Variants in CTDSPL observed in about 807,000 individuals in gnomAD.
The protein encoded by CTDSPL is CTD small phosphatase-like protein.
CTDSPL carries 8 observed loss-of-function variants against 30.5 expected under a neutral mutation model. That is an observed-to-expected ratio of 0.26 (90% CI 0.15 to 0.47). The LOEUF is 0.47. Ranked by LOEUF, CTDSPL falls within the 20% of genes least tolerant of loss-of-function variation. CTDSPL has a pLI of 0.99. For synonymous variants in CTDSPL, 110 were observed against 137.9 expected (o/e 0.80, Z 1.42); for missense variants, 248 against 366.1 (o/e 0.68, Z 2.63).
intron 1 of CTDSPL, among the ~76,000 whole-genome samples, chr3:37,889,629 A>C (rs1172771255): frequency 6.6e-6 from 1 of 152,206 alleles, no homozygotes; most frequent in Non-Finnish European, 1.5e-5. Flanking sequence ...GAAGGTCAAG[A>C]CACTCTATTT....
chr3:37,916,814 C>T (rs1047832276), intron 1 of CTDSPL, among the ~76,000 whole-genome samples: 2 of 152,172 alleles, frequency 1.3e-5, no homozygotes, highest in South Asian at 4.1e-4. Context: ...CCATAATCCC[C>T]TTGTTTGTTC....
intron 1 of CTDSPL, among the ~76,000 whole-genome samples, chr3:37,872,935 T>C (rs190188014): frequency 2.0e-5 from 3 of 152,316 alleles, no homozygotes; most frequent in Admixed American, 2.0e-4. Flanking sequence ...GTGTGGTCTC[T>C]ACTGTACTGC....
chr3:37,974,514 C>T (rs1376443822), intron 6 of CTDSPL, among the ~76,000 whole-genome samples: 9 of 152,336 alleles, frequency 5.9e-5, no homozygotes, highest in Admixed American at 4.6e-4. Context: ...GGCCTGGCCT[C>T]GTGTCAGGCT....
chr3:37,871,479 A>T (rs1051330807), intron 1 of CTDSPL, among the ~76,000 whole-genome samples: 1 of 152,212 alleles, frequency 6.6e-6, no homozygotes, highest in East Asian at 1.9e-4. Context: ...ACCAAGGAAC[A>T]TGATTGCTGG....
intron 1 of CTDSPL, among the ~76,000 whole-genome samples, chr3:37,881,360 C>G (rs1478628682): frequency 6.6e-6 from 1 of 152,000 alleles, no homozygotes; most frequent in African/African-American, 2.4e-5. Flanking sequence ...GAAATCCTGT[C>G]TCTACTAAAA....
At chr3:37,919,170 T>G (rs1405911446) in intron 1 of CTDSPL, among the ~76,000 whole-genome samples, 1 of 152,132 alleles carries the variant, frequency 6.6e-6, no homozygotes, top group Non-Finnish European at 1.5e-5. Flanking sequence ...CTTATAAGAA[T>G]TACTGTTTAA....
intron 2 of CTDSPL, among the ~76,000 whole-genome samples, chr3:37,947,593 A>G (rs907359463): frequency 1.3e-5 from 2 of 152,180 alleles, no homozygotes; most frequent in Non-Finnish European, 2.9e-5. Flanking sequence ...AGAATATGTG[A>G]TAGTATGTGT....
rs185827506 is a variant in CTDSPL, at chr3:37,876,398, A to T, written c.79+14120A>T. Among the ~76,000 whole-genome samples, 51 of 152,282 alleles carry T rather than the reference A, an allele frequency of 3.3e-4. 1 individual carries two copies. The highest frequency in any genetic ancestry group is 1.1e-3 in the Admixed American group (17 of 15,300). On this transcript the variant is annotated intron_variant, in intron 1 of 7. Coordinates refer to ENST00000273179, the MANE Select transcript of CTDSPL (RefSeq NM_001008392.2). ...AGAGTATTTCCATCACCCCCAAAATATTATCTGTGGTGGTACCATTTTGAC... is the reference window on the plus strand; with the variant it reads ...AGAGTATTTCCATCACCCCCAAAATTTTATCTGTGGTGGTACCATTTTGAC...
At chr3:37,905,918 A>C (rs1212491517) in intron 1 of CTDSPL, among the ~76,000 whole-genome samples, 5 of 152,218 alleles carry the variant, frequency 3.3e-5, no homozygotes, top group Non-Finnish European at 7.3e-5. Context: ...AATCCAATGA[A>C]GAGGAGAGAA....
intron 1 of CTDSPL, among the ~76,000 whole-genome samples, chr3:37,866,433 A>G (rs1698010515): frequency 6.6e-6 from 1 of 152,222 alleles, no homozygotes; most frequent in South Asian, 2.1e-4. Context: ...ACTGGACAAC[A>G]AAGATTCCTC....
At position 37,904,925 on chromosome 3, in the gene CTDSPL, ACTCAG is replaced by A. The variant is rs534502074; in HGVS notation, c.80-42131_80-42127del. On this transcript the variant is annotated intron_variant, in intron 1 of 7. Transcript: ENST00000273179. Reference sequence around the variant, plus strand: ...TTTCCAAGTAACTAGCCAAAACATGACTCAGTCTAATCACTCCTCTGGAAGCCTTC... The same window carrying A: ...TTTCCAAGTAACTAGCCAAAACATGATCTAATCACTCCTCTGGAAGCCTTC... 2.4e-4 allele frequency among the ~76,000 whole-genome samples: 36 copies of A among 151,980 alleles called. 1 individual carries two copies. The highest frequency in any genetic ancestry group is 1.0e-4 in the Non-Finnish European group (7 of 68,002).
intron 1 of CTDSPL, among the ~76,000 whole-genome samples, chr3:37,929,905 C>G (rs1479877746): frequency 6.6e-6 from 1 of 152,100 alleles, no homozygotes; most frequent in Non-Finnish European, 1.5e-5. Context: ...GTCAGGAGTT[C>G]AAGACTAGCC....
At chr3:37,964,199 C>G (rs1699274150) in intron 3 of CTDSPL, among the ~76,000 whole-genome samples, 1 of 152,074 alleles carries the variant, frequency 6.6e-6, no homozygotes, top group Admixed American at 6.6e-5. Context: ...CTTGTGTAAT[C>G]CATTTTAATA....
chr3:37,942,256 G>C (rs1336517090), intron 1 of CTDSPL, among the ~76,000 whole-genome samples: 2 of 150,438 alleles, frequency 1.3e-5, no homozygotes, highest in Admixed American at 1.3e-4. Context: ...AAAAATGTAC[G>C]CCCGCAGAAT....
intron 6 of CTDSPL, among the ~76,000 whole-genome samples, chr3:37,972,926 G>A (rs1013853694): frequency 9.2e-5 from 14 of 152,176 alleles, no homozygotes; most frequent in African/African-American, 2.4e-4. Context: ...AGCTTCCTCC[G>A]CCATGTCCTG....
chr3:37,863,260 A>G (rs1166861578), intron 1 of CTDSPL, among the ~76,000 whole-genome samples: 1 of 152,186 alleles, frequency 6.6e-6, no homozygotes, highest in Non-Finnish European at 1.5e-5. Flanking sequence ...GTCCCCTCCC[A>G]GAGAGCTGGC....
At chr3:37,946,505 C>T (rs1489219024) in intron 1 of CTDSPL, among the ~76,000 whole-genome samples, 6 of 152,184 alleles carry the variant, frequency 3.9e-5, no homozygotes, top group East Asian at 1.9e-4. Context: ...AAACTCTTGG[C>T]GAGTTTAAGC....
intron 1 of CTDSPL, among the ~76,000 whole-genome samples, chr3:37,866,400 A>G (rs564044855): frequency 2.6e-5 from 4 of 152,338 alleles, no homozygotes; most frequent in African/African-American, 9.6e-5. Flanking sequence ...ATAAGCTGAC[A>G]ACAAATATTC....
At chr3:37,966,973 G>A (rs1314252049) in intron 4 of CTDSPL, among the ~76,000 whole-genome samples, 2 of 152,196 alleles carry the variant, frequency 1.3e-5, no homozygotes, top group Non-Finnish European at 2.9e-5. Context: ...TGAGAACTGT[G>A]TGTAAGTTCA....
Sources: allele counts gnomAD v4.1 joint callset (sites outside exome capture counted in the v4.1 genomes callset), GRCh38; gene constraint gnomAD v4.1.1; transcripts MANE v1.5; gene names NCBI Gene and HGNC (gene_info 2026-07-23, HGNC 2026-07-21).